Variants in PCDHA7 observed in about 807,000 individuals in gnomAD.
The protein encoded by PCDHA7 is protocadherin alpha-7.
Under a neutral mutation model 57.2 loss-of-function variants are expected in PCDHA7, and 37 were observed. The ratio of observed to expected loss-of-function variants is 0.65; its 90% CI spans 0.50 to 0.85. PCDHA7 has a LOEUF of 0.85. Among genes scored for constraint, PCDHA7 ranks in the 40% least tolerant of loss-of-function variants. The pLI is 0.00. For synonymous variants in PCDHA7, 553 were observed against 558.8 expected (o/e 0.99, Z 0.15); for missense variants, 1,188 against 1,241.8 (o/e 0.96, Z 0.65).
rs201868516 is a variant in PCDHA7 at position 140,843,396 on chromosome 5, C to A, written c.2355+6658C>A. 27 of 1,595,918 alleles carry A rather than the reference C, an allele frequency of 1.7e-5. 6 individuals carry two copies. Among genetic ancestry groups the A allele is most frequent in the Non-Finnish European group, 2.3e-5 (27 of 1,165,594 alleles). ...GCTGGCGTTTTGGGTCCGGAAGCGGCGCTGGTGGATGTCAACGTGTACCTG... is the reference window on the plus strand; with the variant it reads ...GCTGGCGTTTTGGGTCCGGAAGCGGAGCTGGTGGATGTCAACGTGTACCTG... On this transcript the variant is annotated intron_variant, in intron 1 of 3. Coordinates refer to ENST00000525929, the MANE Select transcript of PCDHA7 (RefSeq NM_018910.3).
In PCDHA7 at chr5:140,968,153, A is replaced by G; in HGVS notation, c.2356-10796A>G. 2 of 1,614,142 alleles carry G rather than the reference A, an allele frequency of 1.2e-6. No individual in the cohort carries two copies. The highest frequency in any genetic ancestry group is 8.5e-7 in the Non-Finnish European group (1 of 1,180,046). On this transcript the variant is annotated intron_variant, in intron 1 of 3. Coordinates refer to ENST00000525929, the MANE Select transcript of PCDHA7 (RefSeq NM_018910.3). ...ACTGAAGGTTGAGATCTCTGACATC[A>G]ATGACAATCCACCAAGCTTCCTGGA...
chr5:140,879,844 C>CCCATCTCAG (rs1554171035), intron 1 of PCDHA7, among the ~76,000 whole-genome samples: 1 of 152,194 alleles, frequency 6.6e-6, no homozygotes, highest in Admixed American at 6.5e-5. Flanking sequence ...CTGTACCACT[C>CCCATCTCAG]CCATCTCAGC....
At position 140,955,726 on chromosome 5, in the gene PCDHA7, C is replaced by A. The variant is rs934215613; in HGVS notation, c.2356-23223C>A. Among the ~76,000 whole-genome samples the A allele has an allele frequency of 8.5e-5, 13 of 152,264 alleles. No individual in the cohort carries two copies. In the South Asian group the frequency reaches 2.5e-3, roughly 29 times the overall value. Reference sequence around the variant, plus strand: ...AAGTTTAATAGGAATACCATTGAATCTATAAATTACTTTGAGCATTATTGC... The same window carrying A: ...AAGTTTAATAGGAATACCATTGAATATATAAATTACTTTGAGCATTATTGC... On this transcript the variant is annotated intron_variant, in intron 1 of 3. Coordinates refer to ENST00000525929, the MANE Select transcript of PCDHA7 (RefSeq NM_018910.3).
intron 1 of PCDHA7, among the ~76,000 whole-genome samples, chr5:140,889,879 T>G (rs2062416989): frequency 6.6e-6 from 1 of 152,162 alleles, no homozygotes; most frequent in South Asian, 2.1e-4. Flanking sequence ...CCTGCCACCA[T>G]GTAAGAATTC....
chr5:140,847,155 T>C lies in PCDHA7; in HGVS notation c.2355+10417T>C. On this transcript the variant is annotated intron_variant, in intron 1 of 3. Transcript: ENST00000525929. ...ACCAATGTAAGAAGATCTCTTGATT[T>C]CTGAGTAATAAACTAAAGGGCCATG... is the stretch of plus-strand genomic sequence containing the variant. Among the ~76,000 whole-genome samples, 2 of 149,582 alleles carry C rather than the reference T, an allele frequency of 1.3e-5. 1 individual carries two copies. The highest frequency in any genetic ancestry group is 3.0e-5 in the Non-Finnish European group (2 of 66,904).
chr5:140,842,934 G>A (rs2150348030), intron 1 of PCDHA7: 3 of 1,594,530 alleles, frequency 1.9e-6, no homozygotes, highest in Non-Finnish European at 2.6e-6. Context: ...GTGAGCGCGC[G>A]CGACGCGGGC....
intron 1 of PCDHA7, among the ~76,000 whole-genome samples, chr5:140,922,557 CA>C (rs1214132732): frequency 3.2e-4 from 49 of 152,258 alleles, no homozygotes; most frequent in African/African-American, 1.1e-3. Context: ...GGAGAAAAGT[CA>C]GGATGACAAG....
chr5:140,852,129 C>T (rs2042245206), intron 1 of PCDHA7: 2 of 891,056 alleles, frequency 2.2e-6, no homozygotes, highest in South Asian at 5.1e-5. Context: ...ATTAAAAACT[C>T]AGTAGAGAAA....
chr5:140,968,632 C>T, intron 1 of PCDHA7: 1 of 1,614,176 alleles, frequency 6.2e-7, no homozygotes, highest in Non-Finnish European at 8.5e-7. Flanking sequence ...GGCTTTTTTA[C>T]CATCTAGCCC....
intron 1 of PCDHA7, among the ~76,000 whole-genome samples, chr5:140,890,494 C>A (rs1554184398): frequency 1.3e-5 from 2 of 152,064 alleles, no homozygotes; most frequent in South Asian, 4.1e-4. Context: ...TTTGTCTCAC[C>A]ATTTTTATGT....
At chr5:140,972,660 A>T (rs868975656) in intron 1 of PCDHA7, among the ~76,000 whole-genome samples, 47 of 117,276 alleles carry the variant, frequency 4.0e-4, no homozygotes, top group Non-Finnish European at 6.8e-4. Flanking sequence ...AAGAAACCAA[A>T]TTTTTTTTTT....
chr5:140,901,148 CA>C (rs1244292469), intron 1 of PCDHA7, among the ~76,000 whole-genome samples: 17 of 152,076 alleles, frequency 1.1e-4, no homozygotes, highest in Non-Finnish European at 2.4e-4. Context: ...TATTTTCTCT[CA>C]ATCTGTGGGT....
At chr5:140,851,091 G>C in intron 1 of PCDHA7, 1 of 1,292,680 alleles carries the variant, frequency 7.7e-7, no homozygotes, top group Non-Finnish European at 1.0e-6. Flanking sequence ...ATATTAAATA[G>C]ATATTTTTTG....
At chr5:140,968,332 C>T (rs2096240603) in intron 1 of PCDHA7, 2 of 1,614,158 alleles carry the variant, frequency 1.2e-6, no homozygotes, top group Non-Finnish European at 1.7e-6. Flanking sequence ...CCTCCTATGT[C>T]TCCATTAACA....
intron 1 of PCDHA7, among the ~76,000 whole-genome samples, chr5:140,909,861 A>C (rs782745985): frequency 6.6e-6 from 1 of 152,186 alleles, no homozygotes. Context: ...GGTCCCCTGG[A>C]GTCAACGTCA....
At chr5:140,881,239 A>G in intron 1 of PCDHA7, 1 of 370,812 alleles carries the variant, frequency 2.7e-6, no homozygotes. Flanking sequence ...AGTCAATTTA[A>G]ATGACGGCAA....
chr5:140,876,195 G>A (rs1554168359), intron 1 of PCDHA7: 2 of 1,613,944 alleles, frequency 1.2e-6, no homozygotes, highest in Admixed American at 1.7e-5. Flanking sequence ...ATGGTCCGGC[G>A]TTTGATAAGC....
At chr5:140,867,109 A>G (rs2049756406) in intron 1 of PCDHA7, 3 of 152,146 alleles carry the variant, frequency 2.0e-5, no homozygotes, top group South Asian at 2.1e-4. Context: ...CTAAATTAAC[A>G]TATTGTTTTA....
rs1554239929 is a variant in PCDHA7 at position 140,978,939 on chromosome 5, G to A, written c.2356-10G>A. 1 of 1,613,986 alleles carries A rather than the reference G, an allele frequency of 6.2e-7. No individual in the cohort carries two copies. The highest frequency in any genetic ancestry group is 1.3e-5 in the African/African-American group (1 of 74,908). On this transcript the variant is annotated splice_polypyrimidine_tract_variant and intron_variant, in intron 1 of 3. Transcript: ENST00000525929. ...CATTTTAACAGAAAACTCTCTTTGTGATTTTGCAGCCACGACAGCCCAACC... is the reference window on the plus strand; with the variant it reads ...CATTTTAACAGAAAACTCTCTTTGTAATTTTGCAGCCACGACAGCCCAACC...
Sources: gnomAD v4.1 joint callset for allele counts (sites outside exome capture counted in the v4.1 genomes callset) on GRCh38, gnomAD v4.1.1 for gene constraint, MANE v1.5 for transcripts, NCBI Gene and HGNC (gene_info 2026-07-23, HGNC 2026-07-21) for gene names.